PLCH1: variants seen among roughly 807,000 people sequenced by gnomAD.
The protein encoded by PLCH1 is 1-phosphatidylinositol 4,5-bisphosphate phosphodiesterase eta-1.
A neutral mutation model predicts 126.7 loss-of-function variants in PLCH1; 60 were observed. The ratio of observed to expected loss-of-function variants is 0.47; its 90% CI spans 0.38 to 0.59. PLCH1 has a LOEUF of 0.59. Ranked by LOEUF, PLCH1 falls within the 20% of genes least tolerant of loss-of-function variation. PLCH1 has a pLI of 0.00. For missense variants in PLCH1, 1,723 were observed against 2,040.0 expected (o/e 0.84, Z 2.99); for synonymous variants, 719 against 734.9 (o/e 0.98, Z 0.35).
intron 2 of PLCH1, among the ~76,000 whole-genome samples, chr3:155,612,145 C>T (rs974395492): frequency 9.9e-5 from 15 of 151,580 alleles, no homozygotes; most frequent in Admixed American, 4.6e-4. Context: ...GGTGAAACTT[C>T]GTCTCTACTA....
At chr3:155,504,657 T>C (rs1718399643) in intron 12 of PLCH1, 31 bp from the exon 13 acceptor site, 2 of 1,427,520 alleles carry the variant, frequency 1.4e-6, no homozygotes, top group African/African-American at 2.8e-5. Context: ...TATAACTATT[T>C]ATCTTCTTTG....
Position 155,504,426 on chromosome 3 carries a change from T to C in PLCH1, c.1704+129A>G, listed in dbSNP as rs1253712775. 5 of 567,298 alleles carry C rather than the reference T, an allele frequency of 8.8e-6. No homozygotes were observed. The African/African-American group carries it at 9.3e-5, about 11-fold the overall frequency. 35.1% of individuals were successfully genotyped at this position (567,298 alleles called of 1,614,324 possible). On this transcript the variant is annotated intron_variant, in intron 13 of 22. Coordinates refer to ENST00000460012, the MANE Select transcript of PLCH1 (RefSeq NM_014996.4). Reference sequence around the variant, plus strand: ...ACTTTTAAAGTAGTTTAAATATCAATCTTTTCCTTTGCTGACGTGCTGGTT... The same window carrying C: ...ACTTTTAAAGTAGTTTAAATATCAACCTTTTCCTTTGCTGACGTGCTGGTT...
At chr3:155,573,191 C>T (rs750791236) in intron 6 of PLCH1, among the ~76,000 whole-genome samples, 84 of 152,246 alleles carry the variant, frequency 5.5e-4, no homozygotes, top group Middle Eastern at 3.4e-3. Flanking sequence ...CTTTAGTAGT[C>T]TCTGTTCTTT....
Position 155,480,306 on chromosome 3 carries a change from A to G in PLCH1, c.*662T>C, listed in dbSNP as rs1713817179. ...AAAATATGTAACAAAATTTATGTAA[A>G]ACAAACAATTTTGTCCTTATGTACA... is the stretch of plus-strand genomic sequence containing the variant. On this transcript the variant is annotated 3_prime_UTR_variant, in exon 23 of 23. Coordinates refer to ENST00000460012, the MANE Select transcript of PLCH1 (RefSeq NM_014996.4). 1 of 152,608 alleles carries G rather than the reference A, an allele frequency of 6.6e-6. No homozygotes were observed. The highest frequency in any genetic ancestry group is 2.1e-4 in the South Asian group (1 of 4,828). The allele number at this position is 152,608 out of a possible 1,614,324, so 9.5% of individuals were successfully genotyped here. A position where few individuals can be genotyped will look rare whatever the true frequency, so the allele number is the denominator to read the frequency against.
At chr3:155,530,305 T>C (rs1203370425) in intron 10 of PLCH1, among the ~76,000 whole-genome samples, 1 of 152,050 alleles carries the variant, frequency 6.6e-6, no homozygotes, top group Non-Finnish European at 1.5e-5. Flanking sequence ...ATCATGAGAT[T>C]GCAGCAATCT....
chr3:155,710,970 C>CTTT (rs35033002), intron 1 of PLCH1, among the ~76,000 whole-genome samples: 2 of 136,136 alleles, frequency 1.5e-5, no homozygotes, highest in South Asian at 4.5e-4. Context: ...GCACTGTGGT[C>CTTT]TTTTTTTTTT....
At chr3:155,733,072 G>A (rs1343333748) in intron 1 of PLCH1, among the ~76,000 whole-genome samples, 1 of 151,752 alleles carries the variant, frequency 6.6e-6, no homozygotes, top group Non-Finnish European at 1.5e-5. Flanking sequence ...AAGAAAACAC[G>A]AACAAAGGGA....
At chr3:155,489,897 G>A (rs1560059849) in intron 19 of PLCH1, among the ~76,000 whole-genome samples, 1 of 152,108 alleles carries the variant, frequency 6.6e-6, no homozygotes, top group Non-Finnish European at 1.5e-5. Context: ...AAAAATCACT[G>A]AGATACCTCT....
At chr3:155,697,737 C>A (rs1416090054) in intron 2 of PLCH1, among the ~76,000 whole-genome samples, 1 of 152,132 alleles carries the variant, frequency 6.6e-6, no homozygotes, top group South Asian at 2.1e-4. Flanking sequence ...TGTGCTCTAG[C>A]CAGAGGAAAC....
At position 155,704,150 on chromosome 3, in the gene PLCH1, A is replaced by G; in HGVS notation, c.75T>C (p.Phe25=). The change falls in exon 2 of 23, where the codon TTT becomes TTC. Residue 25 remains phenylalanine, a synonymous_variant. Coordinates refer to ENST00000460012, the MANE Select transcript of PLCH1 (RefSeq NM_014996.4). The stretch of plus-strand genomic sequence containing the variant: ...TAAATACAAGAGACAGCTTACCATG[A>G]AACACACTGTTGTCCACCAGAAAAT... The part of the protein sequence containing the change: ...RRHFLVDNSV[F]HVERCMSVMQ... The G allele has an allele frequency of 2.5e-6, 3 of 1,213,652 alleles. No homozygotes were observed. Among genetic ancestry groups the G allele is most frequent in the Non-Finnish European group, 3.1e-6 (3 of 971,400 alleles). 75.2% of individuals were successfully genotyped at this position (1,213,652 alleles called of 1,614,324 possible).
chr3:155,493,708 C>G (rs929023566), intron 17 of PLCH1, among the ~76,000 whole-genome samples: 5 of 152,152 alleles, frequency 3.3e-5, no homozygotes, highest in African/African-American at 1.2e-4. Flanking sequence ...TTTGTTAGCA[C>G]TGTTTTGTAA....
chr3:155,648,262 AT>A (rs1404093223), intron 2 of PLCH1, among the ~76,000 whole-genome samples: 5 of 152,198 alleles, frequency 3.3e-5, no homozygotes, highest in African/African-American at 7.2e-5. Flanking sequence ...ATCCTCTTAC[AT>A]TCATCAAATC....
chr3:155,513,794 C>T (rs1437235735), intron 12 of PLCH1, among the ~76,000 whole-genome samples: 2 of 152,180 alleles, frequency 1.3e-5, no homozygotes, highest in African/African-American at 2.4e-5. Context: ...GAGGTAAGTT[C>T]TCACTGGCAT....
intron 2 of PLCH1, among the ~76,000 whole-genome samples, chr3:155,631,702 CA>C (rs1421212254): frequency 6.6e-6 from 1 of 152,140 alleles, no homozygotes; most frequent in African/African-American, 2.4e-5. Flanking sequence ...CCCCACAATC[CA>C]GATCTGAAAA....
At chr3:155,702,244 C>T (rs1426835855) in intron 2 of PLCH1, among the ~76,000 whole-genome samples, 1 of 152,174 alleles carries the variant, frequency 6.6e-6, no homozygotes, top group Admixed American at 6.5e-5. Context: ...GAACTGAGTT[C>T]CTGAAAGATT....
intron 1 of PLCH1, among the ~76,000 whole-genome samples, chr3:155,711,949 G>C (rs1027853770): frequency 6.6e-6 from 1 of 152,214 alleles, no homozygotes; most frequent in African/African-American, 2.4e-5. Flanking sequence ...CAGAGAAATG[G>C]AAACAAACCA....
intron 15 of PLCH1, 118 bp from the exon 16 acceptor site, chr3:155,494,635 A>G (rs1716752757): frequency 1.3e-6 from 1 of 771,290 alleles, no homozygotes; most frequent in Admixed American, 2.5e-5. Flanking sequence ...AGCACTAGAG[A>G]GTGGATTCAA....
chr3:155,644,816 G>A (rs1229313464), intron 2 of PLCH1, among the ~76,000 whole-genome samples: 2 of 152,140 alleles, frequency 1.3e-5, no homozygotes, highest in East Asian at 1.9e-4. Context: ...CTCTTCTGTT[G>A]ATAAGAACAG....
chr3:155,644,424 G>T (rs1252897423), intron 2 of PLCH1, among the ~76,000 whole-genome samples: 1 of 152,008 alleles, frequency 6.6e-6, no homozygotes, highest in African/African-American at 2.4e-5. Context: ...CCTACATGGC[G>T]AAACCCCCTC....
Sources: allele counts gnomAD v4.1 joint callset (sites outside exome capture counted in the v4.1 genomes callset), GRCh38; gene constraint gnomAD v4.1.1; transcripts MANE v1.5; gene names NCBI Gene and HGNC (gene_info 2026-07-23, HGNC 2026-07-21).